Variants in SMARCA2 observed in about 807,000 individuals in gnomAD.
The protein encoded by SMARCA2 is SWI/SNF-related matrix-associated actin-dependent regulator of chromatin subfamily A member 2.
A neutral mutation model predicts 199.8 loss-of-function variants in SMARCA2; 61 were observed. The observed-to-expected ratio is 0.31, with a 90% CI of 0.25 to 0.38. The LOEUF is 0.38. Ranked by LOEUF, SMARCA2 falls within the 10% of genes least tolerant of loss-of-function variation. The pLI is 1.00. For missense variants in SMARCA2, 1,344 were observed against 2,012.2 expected (o/e 0.67, Z 6.35); for synonymous variants, 935 against 732.0 (o/e 1.28, Z -4.48).
chr9:2,183,090 C>T (rs1256602708), intron 31 of SMARCA2, among the ~76,000 whole-genome samples: 1 of 152,176 alleles, frequency 6.6e-6, no homozygotes, highest in Non-Finnish European at 1.5e-5. Context: ...TGTGCCAGGC[C>T]TCAAAGCTTA....
intron 27 of SMARCA2, among the ~76,000 whole-genome samples, chr9:2,147,683 T>G (rs752902985): frequency 5.3e-5 from 8 of 151,570 alleles, no homozygotes; most frequent in Non-Finnish European, 1.0e-4. Context: ...CTGTCTCTAC[T>G]AAAAATACGA....
At position 2,017,717 on chromosome 9, in the gene SMARCA2, C is replaced by G. The variant is rs925979907; in HGVS notation, c.-37+2313C>G. 9.2e-5 allele frequency: 14 copies of G among 152,074 alleles called. No homozygotes were observed. The highest frequency in any genetic ancestry group is 2.4e-4 in the African/African-American group (10 of 41,428). 9.4% of individuals were successfully genotyped at this position (152,074 alleles called of 1,614,324 possible). On this transcript the variant is annotated intron_variant, in intron 1 of 33. Coordinates refer to ENST00000349721, the MANE Select transcript of SMARCA2 (RefSeq NM_003070.5). The surrounding 1 kb of genome is among the most constrained non-coding windows in gnomAD (Gnocchi z 8.8). ...GTGGCGCGGGCCTAGAGCCGCGGCT[C>G]GGAGACCGGTTCCCGTCCGCCGGCC... is the stretch of plus-strand genomic sequence containing the variant.
rs553365928 is a variant in SMARCA2 at position 2,137,886 on chromosome 9, G to A, written c.3981+13949G>A. ...AGAATCATGTTTTTGTAACTAAGAT[G>A]AGTCAAGGTAGAAATTGTCATTCTC... is the stretch of plus-strand genomic sequence containing the variant. On this transcript the variant is annotated intron_variant, in intron 27 of 33. Coordinates refer to ENST00000349721, the MANE Select transcript of SMARCA2 (RefSeq NM_003070.5). Among the ~76,000 whole-genome samples, 4 of 152,318 alleles carry A rather than the reference G, an allele frequency of 2.6e-5. No individual in the cohort carries two copies. The South Asian group carries it at 8.3e-4, about 32-fold the overall frequency.
chr9:2,190,518 A>G (rs1827801872), intron 32 of SMARCA2, among the ~76,000 whole-genome samples: 1 of 152,252 alleles, frequency 6.6e-6, no homozygotes. Flanking sequence ...ATGGACATGT[A>G]TAAAGATCCC....
In SMARCA2 at chr9:2,039,799, AGCAGCAGCAGCAGCAGCAACAGCAGCC is replaced by A. The variant is rs1819513866; in HGVS notation, c.701_727del (p.Gln234_Gln242del). On this transcript the variant is annotated inframe_deletion, in exon 4 of 34. Transcript: ENST00000349721. This position sits in a 1 kb window ranked among gnomAD's most constrained non-coding sequence, Gnocchi z 4.8. ...CAACAGCAGCAGCAGCAGCAGCAGC[AGCAGCAGCAGCAGCAGCAACAGCAGCC>A]GCAGCAGCAGCCGCCGCAACCACAG... 5.0e-6 allele frequency: 8 copies of A among 1,604,804 alleles called. No individual in the cohort carries two copies. The highest frequency in any genetic ancestry group is 6.0e-6 in the Non-Finnish European group (7 of 1,174,968).
At chr9:2,160,776 T>A (rs1468684614) in intron 27 of SMARCA2, 1 of 410,620 alleles carries the variant, frequency 2.4e-6, no homozygotes, top group African/African-American at 2.0e-5. Flanking sequence ...GATCTTTTTT[T>A]TAGAAAATTT....
In SMARCA2 at chr9:2,092,104, T is replaced by C. The variant is rs112898247; in HGVS notation, c.2883+3491T>C. On this transcript the variant is annotated intron_variant, in intron 19 of 33. Coordinates refer to ENST00000349721, the MANE Select transcript of SMARCA2 (RefSeq NM_003070.5). The stretch of plus-strand genomic sequence containing the variant: ...GGGATTATGTAAGAACAACTTAAGC[T>C]AAATAAAAATTGATTTTTCTATTTA... Among the ~76,000 whole-genome samples, 679 of 152,332 alleles carry C rather than the reference T, an allele frequency of 4.5e-3. 5 individuals are homozygous for C. The highest frequency in any genetic ancestry group is 0.016 in the African/African-American group (650 of 41,574).
In SMARCA2 at chr9:2,175,632, A is replaced by T. The variant is rs1826528969; in HGVS notation, c.4253+5160A>T. On this transcript the variant is annotated intron_variant, in intron 29 of 33. Coordinates refer to ENST00000349721, the MANE Select transcript of SMARCA2 (RefSeq NM_003070.5). ...TAAAATTAGATATTTGACTTATGGC[A>T]TGTTTTCAATGAAGGTAACCCAATT... Among the ~76,000 whole-genome samples the T allele has an allele frequency of 2.0e-5, 3 of 152,236 alleles. No individual in the cohort carries two copies. The East Asian group carries it at 5.8e-4, about 29-fold the overall frequency.
At chr9:2,028,442 C>T (rs983533700) in intron 1 of SMARCA2, among the ~76,000 whole-genome samples, 6 of 152,176 alleles carry the variant, frequency 3.9e-5, no homozygotes, top group African/African-American at 1.4e-4. Flanking sequence ...TGTCTGATTC[C>T]TATAGCCTTT....
At chr9:2,164,988 G>C (rs983362750) in intron 28 of SMARCA2, among the ~76,000 whole-genome samples, 5 of 152,158 alleles carry the variant, frequency 3.3e-5, no homozygotes, top group Non-Finnish European at 7.3e-5. Flanking sequence ...ACTCAAGTAG[G>C]AGGCACTCAA....
intron 27 of SMARCA2, chr9:2,159,593 T>C: frequency 2.2e-6 from 1 of 460,032 alleles, no homozygotes; most frequent in Non-Finnish European, 3.8e-6. Flanking sequence ...AGCTAAAATC[T>C]CTAATTCTGC....
At chr9:2,171,539 C>G (rs1403109076) in intron 29 of SMARCA2, among the ~76,000 whole-genome samples, 1 of 152,140 alleles carries the variant, frequency 6.6e-6, no homozygotes, top group Non-Finnish European at 1.5e-5. Flanking sequence ...TTATTGCAGT[C>G]CAGTAAACAA....
Position 2,170,608 on chromosome 9 carries a change from G to T in SMARCA2, c.4253+136G>T, listed in dbSNP as rs1265760714. ...CTGATCACCCCTACTTGGAGAGCGG[G>T]ATAGAGGCACAGATACTCTTAAACA... On this transcript the variant is annotated intron_variant, in intron 29 of 33. Transcript: ENST00000349721. The surrounding 1 kb of genome is among the most constrained non-coding windows in gnomAD (Gnocchi z 4.7). 2.3e-5 allele frequency: 32 copies of T among 1,407,210 alleles called. No individual in the cohort carries two copies. The Admixed American group carries it at 4.3e-4, about 19-fold the overall frequency. The allele number at this position is 1,407,210 out of a possible 1,614,324, so 87.2% of individuals were successfully genotyped here. A position where few individuals can be genotyped will look rare whatever the true frequency, so the allele number is the denominator to read the frequency against.
intron 4 of SMARCA2, chr9:2,043,317 G>A (rs1004848526): frequency 6.6e-6 from 1 of 152,154 alleles, no homozygotes; most frequent in African/African-American, 2.4e-5. Context: ...TCGAGGCATT[G>A]CCCATGGAAC....
chr9:2,025,665 T>G (rs544855730), intron 1 of SMARCA2, among the ~76,000 whole-genome samples: 1 of 152,320 alleles, frequency 6.6e-6, no homozygotes, highest in Non-Finnish European at 1.5e-5. Context: ...TGGCCAATAC[T>G]GGACTTTAAA....
Position 2,039,534 on chromosome 9 carries a change from G to T in SMARCA2, c.424G>T (p.Gly142Cys), listed in dbSNP as rs1282273683. 6.2e-7 allele frequency: 1 copy of T among 1,613,966 alleles called. No individual in the cohort carries two copies. Among genetic ancestry groups the T allele is most frequent in the Non-Finnish European group, 8.5e-7 (1 of 1,180,032 alleles). Reference protein sequence around the residue: ...EHVSSPMSGGGPTPPQMPPSQ... With the variant: ...EHVSSPMSGGCPTPPQMPPSQ... ...CGTCTCCAGCCCTATGTCTGGAGGAGGCCCAACTCCACCTCAGATGCCACC... is the reference window on the plus strand; with the variant it reads ...CGTCTCCAGCCCTATGTCTGGAGGATGCCCAACTCCACCTCAGATGCCACC... The change falls in exon 4 of 34, where the codon GGC (glycine) becomes TGC (cysteine). Residue 142 changes from glycine (G) to cysteine (C), a missense_variant. Gly to Cys is a radical substitution (Grantham distance 159, BLOSUM62 -3). This residue lies in a region of SMARCA2 where 275 missense variants were observed against 247.5 expected (regional missense o/e 1.11). Coordinates refer to ENST00000349721, the MANE Select transcript of SMARCA2 (RefSeq NM_003070.5). This position sits in a 1 kb window ranked among gnomAD's most constrained non-coding sequence, Gnocchi z 4.8.
At chr9:2,143,555 C>T (rs779934797) in intron 27 of SMARCA2, among the ~76,000 whole-genome samples, 8 of 152,122 alleles carry the variant, frequency 5.3e-5, no homozygotes, top group Non-Finnish European at 7.4e-5. Context: ...AGAGGAGACC[C>T]GTCTGACAGC....
chr9:2,067,120 G>A (rs769151322), intron 9 of SMARCA2, among the ~76,000 whole-genome samples: 8 of 152,188 alleles, frequency 5.3e-5, no homozygotes, highest in Non-Finnish European at 1.2e-4. Context: ...GCAGAATTAG[G>A]TCCAAGGACA....
rs74548926 is a variant in SMARCA2, at chr9:2,070,377, C to G, written c.1693-41C>G. 2.2e-3 allele frequency: 3,508 copies of G among 1,567,816 alleles called. 58 individuals are homozygous for G. The African/African-American group carries it at 0.038, about 17-fold the overall frequency. The stretch of plus-strand genomic sequence containing the variant: ...GTTACCAGGAAGTCCTGTACCCCAT[C>G]ATCTTGGTTACTTATAACATTCGAC... On this transcript the variant is annotated intron_variant, in intron 9 of 33. Transcript: ENST00000349721.
Sources: allele counts gnomAD v4.1 joint callset (sites outside exome capture counted in the v4.1 genomes callset), GRCh38; gene constraint gnomAD v4.1.1; regional missense constraint gnomAD v4.1.1; non-coding constraint Gnocchi (gnomAD v3.1); transcripts MANE v1.5; gene names NCBI Gene and HGNC (gene_info 2026-07-23, HGNC 2026-07-21).